The following CTPS2 variants were observed in gnomAD, a reference collection of about 807,000 sequenced individuals.
CTPS2 encodes the protein CTP synthase II.
A neutral mutation model predicts 46.8 loss-of-function variants in CTPS2; 19 were observed. That is an observed-to-expected ratio of 0.41 (90% confidence interval 0.28 to 0.60). The LOEUF (loss-of-function observed/expected upper bound fraction) is 0.60. CTPS2 is among the 20% of genes least tolerant of loss of function. CTPS2 has a pLI of 0.35. For synonymous variants in CTPS2, 151 were observed against 165.2 expected (o/e 0.91, Z 0.66); for missense variants, 286 against 447.6 (o/e 0.64, Z 3.26).
intron 13 of CTPS2, among the ~76,000 whole-genome samples, chrX:16,663,406 A>G (rs5936158): frequency 9.0e-6 from 1 of 111,085 alleles, no homozygotes; most frequent in Non-Finnish European, 1.9e-5. Flanking sequence ...CTCAGCCTCC[A>G]AAAGTGCAGG....
chrX:16,628,472 T>C (rs1198555005), intron 14 of CTPS2, among the ~76,000 whole-genome samples: 3 of 110,906 alleles, frequency 2.7e-5, no homozygotes, highest in Non-Finnish European at 3.8e-5. Flanking sequence ...TTCAAGTGAT[T>C]CTCCTGACTC....
rs761102007 is a variant in CTPS2, at chrX:16,693,179, C to T, written c.601G>A (p.Val201Ile). Residue 201 changes from valine to isoleucine, a missense_variant, in exon 6 of 19, where the codon GTC becomes ATC. Val to Ile is a conservative substitution (Grantham distance 29). Coordinates refer to ENST00000359276, the MANE Select transcript of CTPS2 (RefSeq NM_175859.3). Reference protein sequence around the residue: ...EQKTKPTQNSVRALRGLGLSP... With the variant: ...EQKTKPTQNSIRALRGLGLSP... Reference sequence around the variant, plus strand: ...AGGCCTAAACCCCTCAGTGCGCGGACGCTGTTTTGGGTGGGTTTGGTTTTT... The same window carrying T: ...AGGCCTAAACCCCTCAGTGCGCGGATGCTGTTTTGGGTGGGTTTGGTTTTT... The T allele has an allele frequency of 3.3e-5, 40 of 1,208,192 alleles. No individual in the cohort carries two copies. The highest frequency in any genetic ancestry group is 1.1e-4 in the Admixed American group (5 of 45,504).
chrX:16,697,432 CTTTTTTTTTT>C (rs5901594), intron 4 of CTPS2, among the ~76,000 whole-genome samples: 1 of 59,601 alleles, frequency 1.7e-5, no homozygotes, highest in Non-Finnish European at 3.0e-5. Flanking sequence ...TCAAATACGA[CTTTTTTTTTT>C]TTTTTTTTTT....
intron 4 of CTPS2, among the ~76,000 whole-genome samples, chrX:16,696,796 A>G (rs1407481188): frequency 1.8e-5 from 2 of 111,597 alleles, no homozygotes; most frequent in African/African-American, 6.5e-5. Flanking sequence ...ATCTGCTAAC[A>G]CTTACATTGA....
chrX:16,619,443 C>G (rs749534169), intron 15 of CTPS2, among the ~76,000 whole-genome samples: 9 of 111,569 alleles, frequency 8.1e-5, no homozygotes, highest in Non-Finnish European at 1.3e-4. Context: ...TGGAGAGATG[C>G]CTCTTGTCCC....
At chrX:16,593,289 T>C (rs1634636) in intron 17 of CTPS2, among the ~76,000 whole-genome samples, 24 of 108,668 alleles carry the variant, frequency 2.2e-4, no homozygotes, top group South Asian at 8.2e-4. Context: ...ATTAGCCGGG[T>C]GTGGTGGCGG....
intron 13 of CTPS2, among the ~76,000 whole-genome samples, chrX:16,645,412 G>A (rs777530427): frequency 9.0e-6 from 1 of 110,962 alleles, no homozygotes; most frequent in East Asian, 2.8e-4. Context: ...CAAGTTGCAG[G>A]TGAGTCTCTT....
At chrX:16,653,413 G>C (rs1654005083) in intron 13 of CTPS2, among the ~76,000 whole-genome samples, 1 of 112,255 alleles carries the variant, frequency 8.9e-6, no homozygotes, top group Admixed American at 9.4e-5. Context: ...AGATTCTCCA[G>C]CTTGAACAAC....
intron 14 of CTPS2, among the ~76,000 whole-genome samples, chrX:16,636,731 C>T (rs753929406): frequency 4.0e-4 from 44 of 110,504 alleles, no homozygotes; most frequent in African/African-American, 8.9e-4. Flanking sequence ...AAGACTATCC[C>T]GGCTAACACG....
chrX:16,631,830 T>A (rs1056149038), intron 14 of CTPS2, among the ~76,000 whole-genome samples: 1 of 111,790 alleles, frequency 8.9e-6, no homozygotes, highest in Non-Finnish European at 1.9e-5. Flanking sequence ...TTGTGCTTTA[T>A]TATGTTCCCA....
rs781541328 is a variant in CTPS2 at position 16,648,430 on chromosome X, G to A, written c.1297-9187C>T. Reference sequence around the variant, plus strand: ...AGTGAATCTAGTCGAAAGGCAGACTGGTGTTCATTGCACTATTCTTGCCAC... The same window carrying A: ...AGTGAATCTAGTCGAAAGGCAGACTAGTGTTCATTGCACTATTCTTGCCAC... On this transcript the variant is annotated intron_variant, in intron 13 of 18. Coordinates refer to ENST00000359276, the MANE Select transcript of CTPS2 (RefSeq NM_175859.3). Among the ~76,000 whole-genome samples the A allele has an allele frequency of 4.5e-5, 5 of 111,920 alleles. No individual in the cohort carries two copies. In the South Asian group the frequency reaches 1.5e-3, roughly 33 times the overall value.
chrX:16,696,968 G>C (rs972964356), intron 4 of CTPS2, among the ~76,000 whole-genome samples: 1 of 110,981 alleles, frequency 9.0e-6, no homozygotes, highest in Non-Finnish European at 1.9e-5. Context: ...GAAACTGTGA[G>C]AATTTTCCAA....
At chrX:16,630,684 T>C (rs2147224726) in intron 14 of CTPS2, among the ~76,000 whole-genome samples, 1 of 111,870 alleles carries the variant, frequency 8.9e-6, no homozygotes, top group Admixed American at 9.5e-5. Flanking sequence ...TCTGCACCCT[T>C]CCACCTTGTG....
chrX:16,684,523 A>AC (rs1238537215), intron 8 of CTPS2, among the ~76,000 whole-genome samples: 72 of 96,139 alleles, frequency 7.5e-4, no homozygotes, highest in Middle Eastern at 5.4e-3. Context: ...AAAAAAAAAA[A>AC]AAAAACAAAA....
chrX:16,618,092 ACC>A (rs1930628670), intron 15 of CTPS2, among the ~76,000 whole-genome samples: 1 of 109,299 alleles, frequency 9.1e-6, no homozygotes, highest in Non-Finnish European at 1.9e-5. Context: ...TCATCCCCCA[ACC>A]CCCCATCACC....
chrX:16,641,110 C>T (rs1321002235), intron 13 of CTPS2, among the ~76,000 whole-genome samples: 4 of 111,687 alleles, frequency 3.6e-5, no homozygotes, highest in South Asian at 3.8e-4. Flanking sequence ...CACTTCTGGC[C>T]GATGAAGCTG....
chrX:16,686,902 T>C (rs1281259281), intron 8 of CTPS2, among the ~76,000 whole-genome samples: 3 of 103,156 alleles, frequency 2.9e-5, no homozygotes, highest in South Asian at 4.3e-4. Context: ...AGACTCCATC[T>C]CAAAAAAAAA....
chrX:16,661,117 C>T (rs1029477452), intron 13 of CTPS2, among the ~76,000 whole-genome samples: 5 of 111,068 alleles, frequency 4.5e-5, no homozygotes, highest in Non-Finnish European at 9.4e-5. Flanking sequence ...CACTACCACG[C>T]TCAGCTAATT....
chrX:16,641,044 G>T, intron 13 of CTPS2, among the ~76,000 whole-genome samples: 1 of 111,769 alleles, frequency 8.9e-6, no homozygotes, highest in Admixed American at 9.5e-5. Context: ...TCCTATCTTT[G>T]GTTAGCTAAT....
Sources: gnomAD v4.1 joint callset for allele counts (sites outside exome capture counted in the v4.1 genomes callset) on GRCh38, gnomAD v4.1.1 for gene constraint, MANE v1.5 for transcripts, NCBI Gene and HGNC (gene_info 2026-07-23, HGNC 2026-07-21) for gene names.